DLL4: variants seen among roughly 807,000 people sequenced by gnomAD.
DLL4 encodes the protein delta like canonical Notch ligand 4.
Under a neutral mutation model 73.6 loss-of-function variants are expected in DLL4, and 7 were observed. That is an observed-to-expected ratio of 0.10 (90% CI 0.05 to 0.18). The LOEUF (loss-of-function observed/expected upper bound fraction) is 0.18. DLL4 is among the 10% of genes least tolerant of loss of function. DLL4 has a pLI of 1.00. For missense variants in DLL4, 614 were observed against 929.9 expected (o/e 0.66, Z 4.42); for synonymous variants, 345 against 374.3 (o/e 0.92, Z 0.90).
chr15:40,930,076 G>A lies in DLL4; in HGVS notation c.296G>A (p.Gly99Glu), dbSNP rs772988101. 9.3e-6 allele frequency: 15 copies of A among 1,607,176 alleles called. No homozygotes were observed. The highest frequency in any genetic ancestry group is 1.7e-6 in the Non-Finnish European group (2 of 1,177,562). ...GTCCGGGACGACAGTAGCGGCGGGG[G>A]GCGCAACCCTCTCCAACTGCCCTTC... ...FAVRDDSSGGGRNPLQLPFNF... is the reference protein window; with the variant it reads ...FAVRDDSSGGERNPLQLPFNF... The change falls in exon 2 of 11, where the codon GGG becomes GAG. Residue 99 changes from glycine to glutamate, a missense_variant. By Grantham distance (98) the Gly-to-Glu change is moderately conservative. Transcript: ENST00000249749. The surrounding 1 kb of genome is among the most constrained non-coding windows in gnomAD (Gnocchi z 5.7).
rs778840353 is a variant in DLL4 at position 40,935,096 on chromosome 15, A to G, written c.1219A>G (p.Thr407Ala). The change falls in exon 8 of 11, where the codon ACC becomes GCC. Residue 407 changes from threonine to alanine, a missense_variant. By Grantham distance (58) the Thr-to-Ala change is moderately conservative. Around this residue, in one of 3 missense-constraint regions of DLL4, gnomAD observed 386 missense variants for 541.3 expected, o/e 0.71. Coordinates refer to ENST00000249749, the MANE Select transcript of DLL4 (RefSeq NM_019074.4). ...CTGCGAGAAGAAAGTGGACAGGTGC[A>G]CCAGCAACCCCTGTGCCAACGGTGC... ...SNCEKKVDRC[T>A]SNPCANGGQC... The G allele has an allele frequency of 6.2e-7, 1 of 1,612,782 alleles. No homozygotes were observed. The highest frequency in any genetic ancestry group is 1.7e-5 in the Admixed American group (1 of 60,016).
rs574283441 is a variant in DLL4, at chr15:40,937,804, C to T, written c.2053-225C>T. On this transcript the variant is annotated intron_variant, in intron 10 of 10. Transcript: ENST00000249749. The stretch of plus-strand genomic sequence containing the variant: ...CTCTGATGGGTGAGGGGGCCCCTCA[C>T]CCCTTGTGCCCTTCCTGCCCCTTCC... 1.6e-4 allele frequency among the ~76,000 whole-genome samples: 25 copies of T among 152,300 alleles called. No individual in the cohort carries two copies. In the Middle Eastern group the frequency reaches 0.01, roughly 62 times the overall value.
chr15:40,933,296 GTGTC>G (rs1340815378), intron 6 of DLL4, among the ~76,000 whole-genome samples: 1 of 151,860 alleles, frequency 6.6e-6, no homozygotes, highest in African/African-American at 2.4e-5. Flanking sequence ...GTGTGTGTGT[GTGTC>G]TGTCCCTTTA....
chr15:40,930,945 G>T lies in DLL4; in HGVS notation c.394+263G>T, dbSNP rs769927201. ...GGCTGAAGCTGCCAGCGCCGCTGAC[G>T]GGCCCCTTCCTGTATTTTACACCTT... On this transcript the variant is annotated intron_variant, in intron 3 of 10. Transcript: ENST00000249749. This position sits in a 1 kb window ranked among gnomAD's most constrained non-coding sequence, Gnocchi z 5.7. The T allele has an allele frequency of 2.3e-5, 13 of 575,286 alleles. No homozygotes were observed. Among genetic ancestry groups the T allele is most frequent in the Non-Finnish European group, 4.0e-5 (13 of 323,070 alleles). The allele number at this position is 575,286 out of a possible 1,614,324, so 35.6% of individuals were successfully genotyped here.
intron 9 of DLL4, 55 bp from the exon 10 acceptor site, chr15:40,937,363 T>TC: frequency 8.2e-7 from 1 of 1,215,992 alleles, no homozygotes. Flanking sequence ...GGGTCCTCCC[T>TC]CCCCCCAAGC....
At chr15:40,932,950 G>A (rs991940252) in intron 6 of DLL4, among the ~76,000 whole-genome samples, 1 of 152,322 alleles carries the variant, frequency 6.6e-6, no homozygotes, top group East Asian at 1.9e-4. Flanking sequence ...GGGCACAAAC[G>A]GCCTCCCCTG....
Position 40,931,522 on chromosome 15 carries a change from A to C in DLL4, c.414A>C (p.Ala138=). The change falls in exon 4 of 11, where the codon GCA becomes GCC. Residue 138 remains alanine (A), a synonymous_variant. Coordinates refer to ENST00000249749, the MANE Select transcript of DLL4 (RefSeq NM_019074.4). ...CCTCAGAGGCCTTGCCACCAGATGC[A>C]CTCATCAGCAAGATCGCCATCCAGG... is the stretch of plus-strand genomic sequence containing the variant. ...DLRPEALPPD[A]LISKIAIQGS... The C allele has an allele frequency of 6.2e-7, 1 of 1,608,872 alleles. No individual in the cohort carries two copies. Among genetic ancestry groups the C allele is most frequent in the Non-Finnish European group, 8.5e-7 (1 of 1,177,816 alleles).
chr15:40,936,551 G>A lies in DLL4; in HGVS notation c.1564G>A (p.Gly522Ser). Residue 522 changes from glycine (G) to serine (S), a missense_variant, in exon 9 of 11, where the codon GGC becomes AGC. Gly to Ser is a moderately conservative substitution (Grantham distance 56). Around this residue, in one of 3 missense-constraint regions of DLL4, gnomAD observed 386 missense variants for 541.3 expected, o/e 0.71. Coordinates refer to ENST00000249749, the MANE Select transcript of DLL4 (RefSeq NM_019074.4). ...FVGSRCEFPV[G>S]LPPSFPWVAV... The stretch of plus-strand genomic sequence containing the variant: ...GGGCAGCCGCTGCGAGTTCCCCGTG[G>A]GCTTGCCGCCCAGCTTCCCCTGGGT... The A allele has an allele frequency of 6.2e-7, 1 of 1,610,272 alleles. No homozygotes were observed.
chr15:40,934,888 C>T lies in DLL4; in HGVS notation c.1021-10C>T, dbSNP rs1306491679. ...GGTCTGACTTTGGCCCCTTTATGGT[C>T]TCTCTCCAGGACCAGGAGGATGGCT... On this transcript the variant is annotated splice_polypyrimidine_tract_variant and intron_variant, in intron 7 of 10. Transcript: ENST00000249749. The T allele has an allele frequency of 1.2e-6, 2 of 1,612,516 alleles. No homozygotes were observed. Among genetic ancestry groups the T allele is most frequent in the Non-Finnish European group, 1.7e-6 (2 of 1,179,126 alleles).
chr15:40,937,691 T>C (rs1892864672), intron 10 of DLL4, among the ~76,000 whole-genome samples, 165 bp downstream of exon 10: 1 of 152,190 alleles, frequency 6.6e-6, no homozygotes, highest in Non-Finnish European at 1.5e-5. Flanking sequence ...ACTAAGGGTG[T>C]GAAACAGGAA....
Position 40,936,543 on chromosome 15 carries a change from T to A in DLL4, c.1556T>A (p.Phe519Tyr). The A allele has an allele frequency of 6.2e-7, 1 of 1,610,776 alleles. No homozygotes were observed. The change falls in exon 9 of 11, where the codon TTC becomes TAC. Residue 519 changes from phenylalanine to tyrosine, a missense_variant. Around this residue, in one of 3 missense-constraint regions of DLL4, gnomAD observed 386 missense variants for 541.3 expected, o/e 0.71. Transcript: ENST00000249749. ...PYGFVGSRCEFPVGLPPSFPW... is the reference protein window; with the variant it reads ...PYGFVGSRCEYPVGLPPSFPW... ...GGCTTTGTGGGCAGCCGCTGCGAGT[T>A]CCCCGTGGGCTTGCCGCCCAGCTTC...
chr15:40,937,260 C>G (rs963361788), intron 9 of DLL4, among the ~76,000 whole-genome samples, 158 bp from the exon 10 acceptor site: 3 of 152,140 alleles, frequency 2.0e-5, no homozygotes, highest in Admixed American at 6.5e-5. Context: ...GGGGCCTTTT[C>G]CTAAGTGCCC....
In DLL4 at chr15:40,936,887, A is replaced by G. The variant is rs1353786246; in HGVS notation, c.1900A>G (p.Ser634Gly). ...GACCATGCCAGGAAAGTTTCCCCAC[A>G]GTGACAAGAGCTTAGGAGAGAAGGC... ...RGTMPGKFPHSDKSLGEKAPL... is the reference protein window; with the variant it reads ...RGTMPGKFPHGDKSLGEKAPL... The change falls in exon 9 of 11, where the codon AGT becomes GGT. Residue 634 changes from serine (S) to glycine (G), a missense_variant. This residue lies in a region of DLL4 where 386 missense variants were observed against 541.3 expected (regional missense o/e 0.71). Transcript: ENST00000249749. 1 of 1,612,644 alleles carries G rather than the reference A, an allele frequency of 6.2e-7. No individual in the cohort carries two copies.
Position 40,929,777 on chromosome 15 carries a change from G to T in DLL4, c.66+43G>T. 1 of 1,605,434 alleles carries T rather than the reference G, an allele frequency of 6.2e-7. No individual in the cohort carries two copies. The highest frequency in any genetic ancestry group is 2.2e-5 in the East Asian group (1 of 44,764). ...CTCTCCGTCCCCTCTGCCGCGCTCT[G>T]GGCCTCAGCCCCGGGCACCAGCTGA... On this transcript the variant is annotated intron_variant, in intron 1 of 10. Transcript: ENST00000249749. This position sits in a 1 kb window ranked among gnomAD's most constrained non-coding sequence, Gnocchi z 7.1.
intron 9 of DLL4, 77 bp downstream of exon 9, chr15:40,937,007 G>A (rs938570823): frequency 7.1e-5 from 90 of 1,273,854 alleles, no homozygotes; most frequent in South Asian, 2.3e-4. Flanking sequence ...TAGGCCAGGC[G>A]GGAAGCAGTT....
rs756772020 is a variant in DLL4, at chr15:40,936,682, G to A, written c.1695G>A (p.Arg565=). ...TTCGACGGCCGGACGACGGCAGCAGGGAAGCCATGAACAACTTGTCGGACT... is the reference window on the plus strand; with the variant it reads ...TTCGACGGCCGGACGACGGCAGCAGAGAAGCCATGAACAACTTGTCGGACT... The part of the protein sequence containing the change: ...LRLRRPDDGS[R]EAMNNLSDFQ... The change falls in exon 9 of 11, where the codon AGG becomes AGA. Residue 565 remains arginine (R), a synonymous_variant. Transcript: ENST00000249749. The A allele has an allele frequency of 1.4e-5, 23 of 1,613,208 alleles. No individual in the cohort carries two copies. In the East Asian group the frequency reaches 4.9e-4, roughly 34 times the overall value.
In DLL4 at chr15:40,936,943, C is replaced by A; in HGVS notation, c.1943+13C>A. On this transcript the variant is annotated intron_variant, in intron 9 of 10. Transcript: ENST00000249749. ...TGCGGTTACACAGGTGAGTGGCACCCAGAAGCCCAGGGCCTGGCCACCGGC... is the reference window on the plus strand; with the variant it reads ...TGCGGTTACACAGGTGAGTGGCACCAAGAAGCCCAGGGCCTGGCCACCGGC... 1 of 1,566,446 alleles carries A rather than the reference C, an allele frequency of 6.4e-7. No individual in the cohort carries two copies. The highest frequency in any genetic ancestry group is 2.3e-5 in the East Asian group (1 of 43,708).
At chr15:40,931,810 T>C (rs754681733) in intron 4 of DLL4, 44 bp downstream of exon 4, 2 of 1,607,056 alleles carry the variant, frequency 1.2e-6, no homozygotes, top group Non-Finnish European at 1.7e-6. Context: ...GAGGGTCCCC[T>C]GAGGAAACAC....
In DLL4 at chr15:40,931,497, C is replaced by T. The variant is rs753772817; in HGVS notation, c.395-6C>T. On this transcript the variant is annotated splice_region_variant and splice_polypyrimidine_tract_variant and intron_variant, in intron 3 of 10. Coordinates refer to ENST00000249749, the MANE Select transcript of DLL4 (RefSeq NM_019074.4). Reference sequence around the variant, plus strand: ...CCTTCCCTGACCCGACCCTCTGCCCCCTCAGAGGCCTTGCCACCAGATGCA... The same window carrying T: ...CCTTCCCTGACCCGACCCTCTGCCCTCTCAGAGGCCTTGCCACCAGATGCA... 7 of 1,606,038 alleles carry T rather than the reference C, an allele frequency of 4.4e-6. No homozygotes were observed. The highest frequency in any genetic ancestry group is 3.4e-5 in the Admixed American group (2 of 59,130).
Sources: gnomAD v4.1 joint callset for allele counts (sites outside exome capture counted in the v4.1 genomes callset) on GRCh38, gnomAD v4.1.1 for gene constraint, gnomAD v4.1.1 regional missense constraint, Gnocchi (gnomAD v3.1) non-coding constraint, MANE v1.5 for transcripts, NCBI Gene and HGNC (gene_info 2026-07-23, HGNC 2026-07-21) for gene names.